Variants in AGAP1 observed in about 807,000 individuals in gnomAD.
The protein encoded by AGAP1 is ArfGAP with GTPase domain, ankyrin repeat and PH domain 1, also known as arf-GAP with GTPase, ANK repeat and PH domain-containing protein 1.
Under a neutral mutation model 105.3 loss-of-function variants are expected in AGAP1, and 29 were observed. The observed-to-expected ratio is 0.28, with a 90% CI of 0.21 to 0.38. AGAP1 has a LOEUF of 0.38. AGAP1 is among the 10% of genes least tolerant of loss of function. The probability of loss-of-function intolerance (pLI) is 1.00; values close to 1 mark genes in which losing one functional copy is unlikely to be tolerated. For missense variants in AGAP1, 998 were observed against 1,165.1 expected, an observed-to-expected ratio of 0.86 and a Z score of 2.09; for synonymous variants, 509 against 485.9, an observed-to-expected ratio of 1.05 and a Z score of -0.63.
At chr2:235,838,403 G>A (rs1960419279) in intron 9 of AGAP1, among the ~76,000 whole-genome samples, 1 of 152,202 alleles carries the variant, frequency 6.6e-6, no homozygotes, top group African/African-American at 2.4e-5. Flanking sequence ...CATATGGTAG[G>A]AGGAAGAAGA....
chr2:235,554,958 C>T (rs986967332), intron 1 of AGAP1, among the ~76,000 whole-genome samples: 6 of 152,216 alleles, frequency 3.9e-5, no homozygotes, highest in Non-Finnish European at 7.3e-5. Context: ...GTGTGAGCCA[C>T]GGTGCCTGGC....
rs1166183770 is a variant in AGAP1, at chr2:235,845,830, G to A, written c.1051-37515G>A. Among the ~76,000 whole-genome samples, 2 of 151,752 alleles carry A rather than the reference G, an allele frequency of 1.3e-5. No individual in the cohort carries two copies. The highest frequency in any genetic ancestry group is 1.9e-4 in the East Asian group (1 of 5,136). On this transcript the variant is annotated intron_variant, in intron 9 of 17. Transcript: ENST00000304032. This position sits in a 1 kb window ranked among gnomAD's most constrained non-coding sequence, Gnocchi z 4.8. ...GCCCTCCGAAGGAGTCATGCATGTG[G>A]TTTGGGGCCTGGATGTGTGTTTGGG...
Position 235,855,843 on chromosome 2 carries a change from C to G in AGAP1, c.1051-27502C>G, listed in dbSNP as rs2048663538. Among the ~76,000 whole-genome samples, 1 of 152,134 alleles carries G rather than the reference C, an allele frequency of 6.6e-6. No homozygotes were observed. The highest frequency in any genetic ancestry group is 6.5e-5 in the Admixed American group (1 of 15,280). On this transcript the variant is annotated intron_variant, in intron 9 of 17. Coordinates refer to ENST00000304032, the MANE Select transcript of AGAP1 (RefSeq NM_001037131.3). The surrounding 1 kb of genome is among the most constrained non-coding windows in gnomAD (Gnocchi z 5.0). ...GTTTACCCTATGAGGTCTCTAGATG[C>G]ACGGAGGCTACTGCATTCCCAGGGG...
Position 235,811,933 on chromosome 2 carries a change from T to C in AGAP1, c.1050+4602T>C, listed in dbSNP as rs1353799219. Among the ~76,000 whole-genome samples, 4 of 152,180 alleles carry C rather than the reference T, an allele frequency of 2.6e-5. No individual in the cohort carries two copies. The East Asian group carries it at 7.7e-4, about 29-fold the overall frequency. ...GGTCTCTGCTTGCCTTGAAGAAAGG[T>C]AGGCAAAGACGTGTGCATCAGGAGG... On this transcript the variant is annotated intron_variant, in intron 9 of 17. Transcript: ENST00000304032.
chr2:235,909,635 C>T (rs2051479976), intron 11 of AGAP1, among the ~76,000 whole-genome samples: 1 of 152,190 alleles, frequency 6.6e-6, no homozygotes, highest in Admixed American at 6.5e-5. Context: ...AGTCAGGCTC[C>T]TTCAACATGG....
chr2:235,912,271 T>C (rs2051655519), intron 11 of AGAP1, among the ~76,000 whole-genome samples: 1 of 152,232 alleles, frequency 6.6e-6, no homozygotes, highest in Admixed American at 6.5e-5. Context: ...TTGAGTTTCT[T>C]GTGCTAAAAT....
At chr2:235,630,653 G>C (rs1946798505) in intron 1 of AGAP1, among the ~76,000 whole-genome samples, 1 of 152,226 alleles carries the variant, frequency 6.6e-6, no homozygotes, top group Non-Finnish European at 1.5e-5. Context: ...GGGTTAGTTT[G>C]GGGAGCAGCA....
chr2:236,029,799 T>C (rs1576111864), intron 13 of AGAP1, among the ~76,000 whole-genome samples: 2 of 152,060 alleles, frequency 1.3e-5, no homozygotes, highest in African/African-American at 4.8e-5. Context: ...AGTACATTGG[T>C]GTGGTCACAG....
intron 13 of AGAP1, among the ~76,000 whole-genome samples, chr2:235,974,715 C>A (rs968855270): frequency 6.6e-6 from 1 of 152,258 alleles, no homozygotes; most frequent in African/African-American, 2.4e-5. Context: ...TGACAAATTT[C>A]ATTAACTCCA....
Position 236,095,724 on chromosome 2 carries a change from AAAC to A in AGAP1, c.2115-24467_2115-24465del, listed in dbSNP as rs1460149638. ...GCTGACAATGTAAAATTGTGGGAAAAAACTTTTAAAAATTTTGACATATGAAGA... is the reference window on the plus strand; with the variant it reads ...GCTGACAATGTAAAATTGTGGGAAAATTTTAAAAATTTTGACATATGAAGA... On this transcript the variant is annotated intron_variant, in intron 16 of 17. Coordinates refer to ENST00000304032, the MANE Select transcript of AGAP1 (RefSeq NM_001037131.3). This position sits in a 1 kb window ranked among gnomAD's most constrained non-coding sequence, Gnocchi z 4.1. Among the ~76,000 whole-genome samples the A allele has an allele frequency of 2.6e-5, 4 of 152,198 alleles. No homozygotes were observed. Among genetic ancestry groups the A allele is most frequent in the Non-Finnish European group, 5.9e-5 (4 of 68,032 alleles).
chr2:235,709,948 A>G (rs539270874), intron 2 of AGAP1, among the ~76,000 whole-genome samples: 1 of 152,312 alleles, frequency 6.6e-6, no homozygotes, highest in Non-Finnish European at 1.5e-5. Flanking sequence ...GTATGTATGT[A>G]TATATGTGTA....
At chr2:235,613,953 AC>A (rs1401177045) in intron 1 of AGAP1, among the ~76,000 whole-genome samples, 8 of 150,846 alleles carry the variant, frequency 5.3e-5, no homozygotes, top group Non-Finnish European at 8.8e-5. Context: ...GTCTGCAAGA[AC>A]CCTTTGTTAA....
At chr2:235,568,108 C>G (rs940201464) in intron 1 of AGAP1, among the ~76,000 whole-genome samples, 2 of 152,124 alleles carry the variant, frequency 1.3e-5, no homozygotes, top group African/African-American at 4.8e-5. Flanking sequence ...CTCGTGATGT[C>G]TCTAGTGCCC....
At chr2:235,567,537 T>C (rs1944385628) in intron 1 of AGAP1, among the ~76,000 whole-genome samples, 1 of 152,170 alleles carries the variant, frequency 6.6e-6, no homozygotes, top group African/African-American at 2.4e-5. Context: ...TGTCCATCTG[T>C]ATGGGAGCTG....
rs1944355654 is a variant in AGAP1, at chr2:235,566,655, A to G, written c.163+71806A>G. On this transcript the variant is annotated intron_variant, in intron 1 of 17. Transcript: ENST00000304032. The surrounding 1 kb of genome is among the most constrained non-coding windows in gnomAD (Gnocchi z 5.2). ...ATGCCTGACACCTTCCTCATGCCGC[A>G]GGACCAGCCGGGACCGGGGAGAGGC... The G allele has an allele frequency of 1.0e-6, 1 of 957,110 alleles. No individual in the cohort carries two copies. The highest frequency in any genetic ancestry group is 1.2e-6 in the Non-Finnish European group (1 of 804,278). 59.3% of individuals were successfully genotyped at this position (957,110 alleles called of 1,614,324 possible).
Position 235,601,636 on chromosome 2 carries a change from C to T in AGAP1, c.163+106787C>T, listed in dbSNP as rs1945734667. Among the ~76,000 whole-genome samples, 1 of 152,176 alleles carries T rather than the reference C, an allele frequency of 6.6e-6. No individual in the cohort carries two copies. Among genetic ancestry groups the T allele is most frequent in the African/African-American group, 2.4e-5 (1 of 41,452 alleles). ...ACCCCCAAGATTCAGTAACCTCCCA[C>T]TGGGTCCCTGGGAGCCACAATTCAA... On this transcript the variant is annotated intron_variant, in intron 1 of 17. Transcript: ENST00000304032. The surrounding 1 kb of genome is among the most constrained non-coding windows in gnomAD (Gnocchi z 4.4).
chr2:235,910,309 A>G (rs2051541840), intron 11 of AGAP1, among the ~76,000 whole-genome samples: 1 of 6,522 alleles, frequency 1.5e-4, no homozygotes, highest in African/African-American at 1.3e-3. Context: ...GTCAGAGGAG[A>G]CAACATGAAA....
In AGAP1 at chr2:235,931,588, G is replaced by T. The variant is rs969682259; in HGVS notation, c.1483+665G>T. 9.9e-5 allele frequency among the ~76,000 whole-genome samples: 15 copies of T among 152,018 alleles called. No individual in the cohort carries two copies. The highest frequency in any genetic ancestry group is 3.4e-4 in the African/African-American group (14 of 41,372). On this transcript the variant is annotated intron_variant, in intron 12 of 17. Transcript: ENST00000304032. This position sits in a 1 kb window ranked among gnomAD's most constrained non-coding sequence, Gnocchi z 5.6. The stretch of plus-strand genomic sequence containing the variant: ...CAGCAGGGTTTGCCTGTGGCGTTTT[G>T]TCTCTGGCCTGTTCACCGGTATTTA...
chr2:235,497,075 CAG>C (rs1172896777), intron 1 of AGAP1, among the ~76,000 whole-genome samples: 1 of 152,180 alleles, frequency 6.6e-6, no homozygotes, highest in East Asian at 1.9e-4. Flanking sequence ...AGAACTTTAA[CAG>C]AAATATTTTT....
Sources: gnomAD v4.1 joint callset for allele counts (sites outside exome capture counted in the v4.1 genomes callset) on GRCh38, gnomAD v4.1.1 for gene constraint, Gnocchi (gnomAD v3.1) non-coding constraint, MANE v1.5 for transcripts, NCBI Gene and HGNC (gene_info 2026-07-23, HGNC 2026-07-21) for gene names.